Variants in COPZ1 observed in about 807,000 individuals in gnomAD.
The protein encoded by COPZ1 is coatomer subunit zeta-1.
A neutral mutation model predicts 31.7 loss-of-function variants in COPZ1; 4 were observed. The observed-to-expected ratio is 0.13, with a 90% CI of 0.06 to 0.29. COPZ1 has a LOEUF of 0.29. Ranked by LOEUF, COPZ1 falls within the 10% of genes least tolerant of loss-of-function variation. The pLI, the probability that COPZ1 is intolerant of heterozygous loss-of-function variation, is 1.00. For synonymous variants in COPZ1, 74 were observed against 79.0 expected (o/e 0.94, Z 0.33); for missense variants, 156 against 211.5 (o/e 0.74, Z 1.63).
At chr12:54,342,395 T>C in intron 3 of COPZ1, 108 bp downstream of exon 3, 1 of 814,350 alleles carries the variant, frequency 1.2e-6, no homozygotes, top group Non-Finnish European at 2.1e-6. Context: ...CTTTTTCTTT[T>C]TTTTTCCTTC....
chr12:54,350,280 T>C (rs918890904), intron 8 of COPZ1, 196 bp from the exon 9 acceptor site: 3 of 739,062 alleles, frequency 4.1e-6, no homozygotes, highest in Admixed American at 3.7e-5. Context: ...CTCAGTGGGT[T>C]TGAATTTTTT....
At chr12:54,338,298 T>G (rs1209904712) in intron 1 of COPZ1, among the ~76,000 whole-genome samples, 1 of 152,250 alleles carries the variant, frequency 6.6e-6, no homozygotes, top group East Asian at 1.9e-4. Context: ...GTTGTCTCCC[T>G]TTTGGAATTG....
At chr12:54,346,560 A>C in intron 5 of COPZ1, 1 of 697,714 alleles carries the variant, frequency 1.4e-6, no homozygotes, top group Non-Finnish European at 2.6e-6. Flanking sequence ...GGCATGAGCC[A>C]CTTAGACCAG....
intron 5 of COPZ1, among the ~76,000 whole-genome samples, chr12:54,347,514 G>A (rs139919557): frequency 4.9e-4 from 75 of 152,322 alleles, no homozygotes; most frequent in African/African-American, 1.5e-3. Context: ...AAATAATAGC[G>A]TGGATAATCA....
At position 54,351,711 on chromosome 12, in the gene COPZ1, G is replaced by C. The variant is rs1456931900; in HGVS notation, c.*1188G>C. ...ATTCTGCCCCACTTACTAACTGCCA[G>C]TTCTCCAGCACTGAGGTGGGGCAGA... On this transcript the variant is annotated 3_prime_UTR_variant, in exon 9 of 9. Coordinates refer to ENST00000262061, the MANE Select transcript of COPZ1 (RefSeq NM_016057.3). 1 of 152,194 alleles carries C rather than the reference G, an allele frequency of 6.6e-6. No homozygotes were observed. Among genetic ancestry groups the C allele is most frequent in the Non-Finnish European group, 1.5e-5 (1 of 68,044 alleles). 9.4% of individuals were successfully genotyped at this position (152,194 alleles called of 1,614,324 possible).
At chr12:54,332,692 C>T (rs1953778001) in intron 1 of COPZ1, among the ~76,000 whole-genome samples, 1 of 150,662 alleles carries the variant, frequency 6.6e-6, no homozygotes, top group Admixed American at 6.6e-5. Context: ...TGAGATTGCA[C>T]CATTGCACTC....
intron 2 of COPZ1, among the ~76,000 whole-genome samples, chr12:54,341,875 TC>T (rs1238132562): frequency 4.6e-5 from 7 of 152,184 alleles, no homozygotes; most frequent in Non-Finnish European, 1.0e-4. Context: ...ATGGGGTAGC[TC>T]CTAGGAAACA....
At chr12:54,349,547 T>C in intron 7 of COPZ1, 73 bp from the exon 8 acceptor site, 1 of 1,222,404 alleles carries the variant, frequency 8.2e-7, no homozygotes, top group Non-Finnish European at 1.2e-6. Context: ...TTTTTTCTTC[T>C]CTAATACCAG....
At chr12:54,329,576 C>T (rs1953716410) in intron 1 of COPZ1, among the ~76,000 whole-genome samples, 1 of 152,108 alleles carries the variant, frequency 6.6e-6, no homozygotes, top group Non-Finnish European at 1.5e-5. Flanking sequence ...GAAACTCTGT[C>T]TTAAAAAACA....
intron 7 of COPZ1, among the ~76,000 whole-genome samples, chr12:54,348,789 TG>T (rs370181956): frequency 0.011 from 1,656 of 152,204 alleles, 6 homozygotes; most frequent in Non-Finnish European, 0.017. Context: ...TAACTGAGGA[TG>T]GTACCTCTCC....
At chr12:54,336,594 G>A (rs570086598) in intron 1 of COPZ1, among the ~76,000 whole-genome samples, 2 of 152,020 alleles carry the variant, frequency 1.3e-5, no homozygotes, top group East Asian at 3.9e-4. Context: ...GCTTATGACT[G>A]TAATCCTGTG....
chr12:54,346,279 T>C (rs537350852), intron 5 of COPZ1, among the ~76,000 whole-genome samples: 52 of 151,362 alleles, frequency 3.4e-4, no homozygotes, highest in African/African-American at 1.1e-3. Flanking sequence ...TCTTTTTTTT[T>C]TTTTTTGAGA....
chr12:54,330,830 C>T (rs1452292847), intron 1 of COPZ1, among the ~76,000 whole-genome samples: 1 of 152,192 alleles, frequency 6.6e-6, no homozygotes, highest in Non-Finnish European at 1.5e-5. Flanking sequence ...AGAATCAGTA[C>T]CTATGTACCC....
intron 1 of COPZ1, among the ~76,000 whole-genome samples, chr12:54,340,059 A>C (rs1304854889): frequency 6.6e-6 from 1 of 150,872 alleles, no homozygotes; most frequent in African/African-American, 2.4e-5. Context: ...TGGGTGGTTT[A>C]GGGAAGGCTT....
chr12:54,339,461 C>T lies in COPZ1; in HGVS notation c.19-1086C>T, dbSNP rs141091133. Among the ~76,000 whole-genome samples the T allele has an allele frequency of 1.6e-3, 247 of 152,246 alleles. 1 individual carries two copies. The highest frequency in any genetic ancestry group is 5.8e-3 in the African/African-American group (240 of 41,538). ...CTCCTGGGCTCAAGAGATCCTATCA[C>T]CTCAGCCTCCTGAGTAGCTAGGACT... On this transcript the variant is annotated intron_variant, in intron 1 of 8. Coordinates refer to ENST00000262061, the MANE Select transcript of COPZ1 (RefSeq NM_016057.3).
chr12:54,325,211 G>GT, intron 1 of COPZ1, 30 bp downstream of exon 1: 1 of 1,554,198 alleles, frequency 6.4e-7, no homozygotes, highest in Non-Finnish European at 8.7e-7. Context: ...CAGAGATGCT[G>GT]TGGTGTCCAC....
rs1954148292 is a variant in COPZ1 at position 54,351,531 on chromosome 12, G to T, written c.*1008G>T. The T allele has an allele frequency of 6.6e-6, 1 of 152,154 alleles. No homozygotes were observed. The highest frequency in any genetic ancestry group is 1.5e-5 in the Non-Finnish European group (1 of 68,056). The allele number at this position is 152,154 out of a possible 1,614,324, so 9.4% of individuals were successfully genotyped here. A position where few individuals can be genotyped will look rare whatever the true frequency, so the allele number is the denominator to read the frequency against. ...TCTGTGCTCTCCCTGTCTCTAGGTC[G>T]CTGAGAGAGGTGCTTTTCTTCATAA... On this transcript the variant is annotated 3_prime_UTR_variant, in exon 9 of 9. Coordinates refer to ENST00000262061, the MANE Select transcript of COPZ1 (RefSeq NM_016057.3).
chr12:54,350,096 T>C, intron 8 of COPZ1: 1 of 608,672 alleles, frequency 1.6e-6, no homozygotes. Context: ...ATAGATTGTC[T>C]ACCTGATGTA....
At chr12:54,341,899 G>C (rs2137104201) in intron 2 of COPZ1, among the ~76,000 whole-genome samples, 1 of 152,296 alleles carries the variant, frequency 6.6e-6, no homozygotes, top group East Asian at 1.9e-4. Flanking sequence ...TGATGAGAAT[G>C]GTTTTAGGAG....
Sources: allele counts gnomAD v4.1 joint callset (sites outside exome capture counted in the v4.1 genomes callset), GRCh38; gene constraint gnomAD v4.1.1; transcripts MANE v1.5; gene names NCBI Gene and HGNC (gene_info 2026-07-23, HGNC 2026-07-21).